Variants in PTPRQ observed in about 807,000 individuals in gnomAD.
PTPRQ encodes phosphatidylinositol phosphatase PTPRQ.
Under a neutral mutation model 246.0 loss-of-function variants are expected in PTPRQ, and 199 were observed. The ratio of observed to expected loss-of-function variants is 0.81; its 90% confidence interval spans 0.72 to 0.91. PTPRQ has a LOEUF of 0.91. Among genes scored for constraint, PTPRQ ranks in the 40% least tolerant of loss-of-function variants. The pLI, the probability that PTPRQ is intolerant of heterozygous loss-of-function variation, is 0.00. For synonymous variants in PTPRQ, 869 were observed against 853.2 expected (o/e 1.02, Z -0.32); for missense variants, 2,624 against 2,528.4 (o/e 1.04, Z -0.81).
Position 80,593,098 on chromosome 12 carries a change from C to T in PTPRQ, c.4609+4646C>T, listed in dbSNP as rs186177360. Reference sequence around the variant, plus strand: ...CTGAATTAGAGAAAAGACTAAACAACAATATAAAATAGTACAAAATAACTA... The same window carrying T: ...CTGAATTAGAGAAAAGACTAAACAATAATATAAAATAGTACAAAATAACTA... On this transcript the variant is annotated intron_variant, in intron 26 of 44. Transcript: ENST00000644991. Among the ~76,000 whole-genome samples the T allele has an allele frequency of 4.0e-3, 616 of 152,160 alleles. 5 individuals carry two copies. The highest frequency in any genetic ancestry group is 0.02 in the Middle Eastern group (6 of 294).
chr12:80,625,336 G>A (rs1899158514), intron 33 of PTPRQ, among the ~76,000 whole-genome samples: 2 of 131,124 alleles, frequency 1.5e-5, no homozygotes, highest in African/African-American at 6.3e-5. Flanking sequence ...TGTAATCCCA[G>A]ACTACAGAGA....
chr12:80,533,908 A>G, intron 17 of PTPRQ, 107 bp from the exon 18 acceptor site: 5 of 795,176 alleles, frequency 6.3e-6, no homozygotes, highest in Non-Finnish European at 8.8e-6. Context: ...ATTAATCTAG[A>G]ATAAATTTCC....
chr12:80,615,397 G>A (rs531790910), intron 29 of PTPRQ, among the ~76,000 whole-genome samples: 10 of 150,946 alleles, frequency 6.6e-5, no homozygotes, highest in South Asian at 2.1e-4. Flanking sequence ...TAAACATTTC[G>A]TATACTGAAT....
chr12:80,488,589 T>C (rs544121382), intron 9 of PTPRQ, among the ~76,000 whole-genome samples: 28 of 152,134 alleles, frequency 1.8e-4, no homozygotes, highest in African/African-American at 6.5e-4. Context: ...ACAGGAGTGG[T>C]TTAAAGTGTT....
intron 25 of PTPRQ, among the ~76,000 whole-genome samples, chr12:80,560,861 T>C (rs1896802819): frequency 6.6e-6 from 1 of 152,230 alleles, no homozygotes; most frequent in Admixed American, 6.5e-5. Context: ...TTTTAAGGGC[T>C]TTCAAGTTAT....
At chr12:80,600,460 A>T (rs906829743) in intron 26 of PTPRQ, among the ~76,000 whole-genome samples, 13 of 151,756 alleles carry the variant, frequency 8.6e-5, no homozygotes, top group African/African-American at 2.9e-4. Flanking sequence ...CTCAAATGAG[A>T]CCCGAAGAAG....
intron 25 of PTPRQ, among the ~76,000 whole-genome samples, chr12:80,584,464 C>T (rs1261632543): frequency 6.6e-6 from 1 of 152,152 alleles, no homozygotes; most frequent in East Asian, 1.9e-4. Flanking sequence ...TCCTGTTTTG[C>T]AATTACCAGA....
chr12:80,505,297 A>T (rs1324708444), intron 14 of PTPRQ, among the ~76,000 whole-genome samples: 2 of 151,984 alleles, frequency 1.3e-5, no homozygotes, highest in East Asian at 3.9e-4. Context: ...TCACCACTGA[A>T]TTCTAACTTT....
At chr12:80,568,151 A>G (rs1422048530) in intron 25 of PTPRQ, among the ~76,000 whole-genome samples, 1 of 152,196 alleles carries the variant, frequency 6.6e-6, no homozygotes, top group Non-Finnish European at 1.5e-5. Flanking sequence ...GTGACCTTCA[A>G]AAATTTTGTT....
chr12:80,642,058 C>G (rs1278573081), intron 35 of PTPRQ, among the ~76,000 whole-genome samples: 1 of 151,896 alleles, frequency 6.6e-6, no homozygotes, highest in African/African-American at 2.4e-5. Flanking sequence ...GTGACTAGTA[C>G]CCTGCTCAAT....
intron 17 of PTPRQ, among the ~76,000 whole-genome samples, chr12:80,528,159 T>C (rs1197702445): frequency 6.6e-6 from 1 of 152,086 alleles, no homozygotes; most frequent in African/African-American, 2.4e-5. Context: ...ATGGATGAAA[T>C]CTTAAACTTC....
At chr12:80,463,964 G>T (rs1026727355) in intron 6 of PTPRQ, among the ~76,000 whole-genome samples, 1 of 151,302 alleles carries the variant, frequency 6.6e-6, no homozygotes, top group African/African-American at 2.4e-5. Flanking sequence ...ATCAACTAAC[G>T]AGCAAAATAA....
intron 4 of PTPRQ, among the ~76,000 whole-genome samples, chr12:80,458,019 A>G (rs1032688284): frequency 2.0e-5 from 3 of 152,108 alleles, no homozygotes; most frequent in African/African-American, 7.2e-5. Flanking sequence ...TACATATGCA[A>G]GTTTATATCC....
At chr12:80,567,067 C>T (rs779837098) in intron 25 of PTPRQ, among the ~76,000 whole-genome samples, 8 of 152,128 alleles carry the variant, frequency 5.3e-5, no homozygotes, top group Non-Finnish European at 8.8e-5. Flanking sequence ...CTCAGAAGCA[C>T]TATTAGGAAC....
chr12:80,588,562 A>G, intron 26 of PTPRQ, 110 bp downstream of exon 26: 1 of 1,176,822 alleles, frequency 8.5e-7, no homozygotes, highest in Non-Finnish European at 1.1e-6. Context: ...GAACATAGAA[A>G]TAACTGAGGA....
At position 80,549,751 on chromosome 12, in the gene PTPRQ, A is replaced by G. The variant is rs925981114; in HGVS notation, c.4285+17A>G. On this transcript the variant is annotated intron_variant, in intron 25 of 44. Transcript: ENST00000644991. ...CTGAAACAGGTAACTAACGTGAAAC[A>G]GGTAACTAACATGAAACCTTTAACT... 2.1e-6 allele frequency: 3 copies of G among 1,432,262 alleles called. No homozygotes were observed. Among genetic ancestry groups the G allele is most frequent in the Non-Finnish European group, 2.8e-6 (3 of 1,054,020 alleles). The allele number at this position is 1,432,262 out of a possible 1,614,324, so 88.7% of individuals were successfully genotyped here.
chr12:80,533,883 C>A, intron 17 of PTPRQ, 132 bp from the exon 18 acceptor site: 2 of 637,620 alleles, frequency 3.1e-6, no homozygotes, highest in Non-Finnish European at 4.6e-6. Flanking sequence ...TCAGGATAAC[C>A]AACATCTTTT....
In PTPRQ at chr12:80,444,791, T is replaced by C; in HGVS notation, c.105T>C (p.Ser35=). The C allele has an allele frequency of 6.5e-7, 1 of 1,540,228 alleles. No homozygotes were observed. The highest frequency in any genetic ancestry group is 8.8e-7 in the Non-Finnish European group (1 of 1,139,070). ...VPGTRYDITI[S]SISTTYTSPV... ...GTACTAGGTACGATATAACCATCTC[T>C]TCAATTTCTACAACATACACCTCAC... is the stretch of plus-strand genomic sequence containing the variant. Residue 35 remains serine (S), a synonymous_variant, in exon 2 of 45, where the codon TCT becomes TCC. Transcript: ENST00000644991.
rs575723657 is a variant in PTPRQ at position 80,653,634 on chromosome 12, A to G, written c.6115+800A>G. Among the ~76,000 whole-genome samples, 16 of 152,266 alleles carry G rather than the reference A, an allele frequency of 1.1e-4. No individual in the cohort carries two copies. The South Asian group carries it at 1.2e-3, about 12-fold the overall frequency. On this transcript the variant is annotated intron_variant, in intron 38 of 44. Transcript: ENST00000644991. ...TTTTTGTCTATGCTTTTTCAAATGT[A>G]TATTGGGGGAATAGCTACACTTCTT...
Sources: allele counts gnomAD v4.1 joint callset (sites outside exome capture counted in the v4.1 genomes callset), GRCh38; gene constraint gnomAD v4.1.1; transcripts MANE v1.5; gene names NCBI Gene and HGNC (gene_info 2026-07-23, HGNC 2026-07-21).